The following ERC2 variants were observed in gnomAD, a reference collection of about 807,000 sequenced individuals.
ERC2 encodes the protein ELKS/RAB6-interacting/CAST family member 2.
In ERC2, 42 loss-of-function variants were observed where a neutral mutation model predicts 114.8. The observed-to-expected ratio is 0.37, with a 90% confidence interval of 0.29 to 0.47. The LOEUF is 0.47. ERC2 is among the 20% of genes least tolerant of loss of function. The pLI is 0.99. For missense variants in ERC2, 939 were observed against 1,150.7 expected, an observed-to-expected ratio of 0.82 and a Z score of 2.66; for synonymous variants, 454 against 425.5, an observed-to-expected ratio of 1.07 and a Z score of -0.82.
chr3:55,821,490 AG>A (rs1559710469), intron 14 of ERC2, among the ~76,000 whole-genome samples: 1 of 152,200 alleles, frequency 6.6e-6, no homozygotes, highest in African/African-American at 2.4e-5. Flanking sequence ...TTTTTATTGA[AG>A]CACACTTTAC....
chr3:56,052,215 T>C (rs2075805671), intron 7 of ERC2, among the ~76,000 whole-genome samples: 1 of 152,232 alleles, frequency 6.6e-6, no homozygotes. Flanking sequence ...CTGTTTGCTC[T>C]GTGAAAAGCT....
intron 7 of ERC2, among the ~76,000 whole-genome samples, chr3:56,050,972 G>A (rs190706132): frequency 6.6e-6 from 1 of 152,144 alleles, no homozygotes; most frequent in Admixed American, 6.5e-5. Flanking sequence ...TAGTTATTAG[G>A]GAAAGCACAT....
intron 14 of ERC2, among the ~76,000 whole-genome samples, chr3:55,798,036 C>T (rs2070657629): frequency 6.6e-6 from 1 of 151,922 alleles, no homozygotes; most frequent in Non-Finnish European, 1.5e-5. Flanking sequence ...TCACAGAGAT[C>T]AGGGGAGGGA....
rs189459232 is a variant in ERC2, at chr3:55,672,548, C to A, written c.*39+11246G>T. ...AATGGGCATGGTGTCACCTGTCTGCCCTCCTCGTAGAGCTGATGGGAGATC... is the reference window on the plus strand; with the variant it reads ...AATGGGCATGGTGTCACCTGTCTGCACTCCTCGTAGAGCTGATGGGAGATC... On this transcript the variant is annotated intron_variant, in intron 17 of 17. Coordinates refer to ENST00000288221, the MANE Select transcript of ERC2 (RefSeq NM_015576.3). 1.2e-4 allele frequency among the ~76,000 whole-genome samples: 18 copies of A among 152,200 alleles called. No homozygotes were observed. The East Asian group carries it at 3.3e-3, about 28-fold the overall frequency.
intron 7 of ERC2, among the ~76,000 whole-genome samples, chr3:56,056,175 ATTCTTCC>A (rs2076004255): frequency 6.6e-6 from 1 of 152,198 alleles, no homozygotes; most frequent in South Asian, 2.1e-4. Context: ...CCATGTGACA[ATTCTTCC>A]TTCATCTGGA....
chr3:56,151,029 C>T (rs1313377808), intron 4 of ERC2, among the ~76,000 whole-genome samples: 1 of 152,132 alleles, frequency 6.6e-6, no homozygotes, highest in Non-Finnish European at 1.5e-5. Flanking sequence ...AGAGAGCCCT[C>T]ACCAGAACCT....
At chr3:56,462,173 G>T (rs1005057070) in intron 1 of ERC2, among the ~76,000 whole-genome samples, 9 of 152,144 alleles carry the variant, frequency 5.9e-5, no homozygotes, top group African/African-American at 2.2e-4. Flanking sequence ...CCACCCCACA[G>T]CATGAAATAG....
intron 5 of ERC2, 74 bp downstream of exon 5, chr3:56,148,903 G>T (rs2081281112): frequency 7.3e-7 from 1 of 1,366,140 alleles, no homozygotes; most frequent in African/African-American, 1.4e-5. Flanking sequence ...TGGAGTATTT[G>T]GAAAAAGTAT....
chr3:55,815,450 T>C (rs549573229), intron 14 of ERC2, among the ~76,000 whole-genome samples: 136 of 152,260 alleles, frequency 8.9e-4, no homozygotes, highest in South Asian at 2.5e-3. Flanking sequence ...ATGTGAAGCA[T>C]AAGAATGCAG....
chr3:55,681,978 T>C (rs1576110467), intron 17 of ERC2, among the ~76,000 whole-genome samples: 2 of 151,722 alleles, frequency 1.3e-5, no homozygotes, highest in African/African-American at 2.4e-5. Context: ...AGAAGTAGCT[T>C]CACAGAAGAG....
chr3:55,873,033 G>A (rs569181418), intron 14 of ERC2, among the ~76,000 whole-genome samples: 1 of 152,260 alleles, frequency 6.6e-6, no homozygotes, highest in Admixed American at 6.5e-5. Context: ...GCAGAGGCCA[G>A]GAATGCTACT....
chr3:56,461,418 AGAT>A (rs1474094531), intron 1 of ERC2, among the ~76,000 whole-genome samples: 1 of 152,234 alleles, frequency 6.6e-6, no homozygotes, highest in African/African-American at 2.4e-5. Flanking sequence ...AGGCCCAGGC[AGAT>A]GAAGGGCTCC....
intron 3 of ERC2, among the ~76,000 whole-genome samples, chr3:56,247,817 A>G (rs2051821296): frequency 6.6e-6 from 1 of 152,182 alleles, no homozygotes. Flanking sequence ...CTGCTCTATG[A>G]CCTTCAGCAA....
intron 17 of ERC2, among the ~76,000 whole-genome samples, chr3:55,646,524 G>A (rs954125502): frequency 6.6e-6 from 1 of 152,176 alleles, no homozygotes; most frequent in Non-Finnish European, 1.5e-5. Flanking sequence ...TTAGAGGGTT[G>A]TCACTTAGTA....
At chr3:55,888,589 A>C (rs746981066) in intron 13 of ERC2, 40 bp from the exon 14 acceptor site, 2 of 1,607,624 alleles carry the variant, frequency 1.2e-6, no homozygotes, top group Non-Finnish European at 1.7e-6. Flanking sequence ...TTTCTCCTTC[A>C]TTCAAGCACA....
chr3:55,816,443 G>A (rs571804954), intron 14 of ERC2, among the ~76,000 whole-genome samples: 1 of 152,316 alleles, frequency 6.6e-6, no homozygotes, highest in East Asian at 1.9e-4. Flanking sequence ...TGGGCATCTT[G>A]AATGAAAGCC....
chr3:55,748,959 C>A (rs756184366), intron 14 of ERC2, among the ~76,000 whole-genome samples: 3 of 152,210 alleles, frequency 2.0e-5, no homozygotes, highest in Admixed American at 6.5e-5. Flanking sequence ...TTGCTTACAA[C>A]ACATGCCCAT....
intron 3 of ERC2, among the ~76,000 whole-genome samples, chr3:56,254,552 G>A (rs1039193562): frequency 2.0e-5 from 3 of 152,104 alleles, no homozygotes; most frequent in Admixed American, 1.3e-4. Flanking sequence ...CATACCAACT[G>A]GCCAGCTGAC....
chr3:56,144,425 T>A (rs1575579693), intron 5 of ERC2, among the ~76,000 whole-genome samples: 3 of 152,322 alleles, frequency 2.0e-5, no homozygotes, highest in South Asian at 4.1e-4. Flanking sequence ...GACAGCACAG[T>A]TTATAGTTGA....
Sources: gnomAD v4.1 joint callset for allele counts (sites outside exome capture counted in the v4.1 genomes callset) on GRCh38, gnomAD v4.1.1 for gene constraint, MANE v1.5 for transcripts, NCBI Gene and HGNC (gene_info 2026-07-23, HGNC 2026-07-21) for gene names.